The following ACSL4 variants were observed in gnomAD, a reference collection of about 807,000 sequenced individuals.
ACSL4 encodes the protein long-chain-fatty-acid--CoA ligase 4.
Under a neutral mutation model 49.1 loss-of-function variants are expected in ACSL4, and 9 were observed. That is an observed-to-expected ratio of 0.18 (90% CI 0.11 to 0.32). The LOEUF is 0.32. ACSL4 is among the 10% of genes least tolerant of loss of function. The probability of loss-of-function intolerance (pLI) is 1.00; values close to 1 mark genes in which losing one functional copy is unlikely to be tolerated. For synonymous variants in ACSL4, 191 were observed against 170.3 expected, an observed-to-expected ratio of 1.12 and a Z score of -0.95; for missense variants, 333 against 493.7, an observed-to-expected ratio of 0.67 and a Z score of 3.08.
chrX:109,724,875 G>A (rs1218741851), intron 1 of ACSL4, among the ~76,000 whole-genome samples: 1 of 109,906 alleles, frequency 9.1e-6, no homozygotes, highest in Admixed American at 9.7e-5. Context: ...TCATGCCACT[G>A]CACTCCAGCC....
chrX:109,645,430 C>A (rs1325900104), intron 15 of ACSL4, among the ~76,000 whole-genome samples: 2 of 111,778 alleles, frequency 1.8e-5, no homozygotes, highest in Non-Finnish European at 3.8e-5. Context: ...CTCACACGGC[C>A]GGGTACTCCA....
In ACSL4 at chrX:109,682,719, G is replaced by A. The variant is rs777991418; in HGVS notation, c.406C>T (p.Leu136Phe). 2.5e-6 allele frequency: 3 copies of A among 1,211,354 alleles called. No homozygotes were observed. Among genetic ancestry groups the A allele is most frequent in the South Asian group, 1.8e-5 (1 of 56,986 alleles). The change falls in exon 4 of 16, where the codon CTT becomes TTT. Residue 136 changes from leucine to phenylalanine, a missense_variant and splice_region_variant. Leu to Phe is a conservative substitution (Grantham distance 22). Around this residue, in one of 3 missense-constraint regions of ACSL4, gnomAD observed 157 missense variants for 201.1 expected, o/e 0.78. Transcript: ENST00000672401. ...CCCTCCAAAAACACAAGGCACTTAC[G>A]AGGAAAGTTGTACTTAAAGCAGGTC... is the stretch of plus-strand genomic sequence containing the variant. ...AQTCFKYNFP[L>F]VTLYATLGKE...
chrX:109,726,092 G>A (rs1006281229), intron 1 of ACSL4, among the ~76,000 whole-genome samples: 8 of 111,750 alleles, frequency 7.2e-5, no homozygotes, highest in African/African-American at 9.8e-5. Flanking sequence ...ATATTGTCAG[G>A]TTACAACATA....
chrX:109,648,234 T>TA (rs1934825692), intron 15 of ACSL4, among the ~76,000 whole-genome samples: 1 of 111,354 alleles, frequency 9.0e-6, no homozygotes, highest in Non-Finnish European at 1.9e-5. Flanking sequence ...AAGAGAATTT[T>TA]AGACCAATAT....
chrX:109,709,216 T>C (rs1465722782), intron 1 of ACSL4, among the ~76,000 whole-genome samples: 2 of 112,111 alleles, frequency 1.8e-5, no homozygotes, highest in Admixed American at 9.5e-5. Context: ...TATCATTCCT[T>C]TGATGTCTGT....
At chrX:109,686,774 ATG>A (rs1419689588) in intron 2 of ACSL4, among the ~76,000 whole-genome samples, 16 of 105,483 alleles carry the variant, frequency 1.5e-4, no homozygotes, top group African/African-American at 6.0e-4. Context: ...ACACACACGC[ATG>A]CACACACACA....
chrX:109,659,561 T>A (rs776001900), intron 14 of ACSL4, 50 bp from the exon 15 acceptor site: 2 of 865,436 alleles, frequency 2.3e-6, no homozygotes, highest in Non-Finnish European at 3.4e-6. Context: ...GAAAAGTTAT[T>A]CATAAACTAG....
chrX:109,714,832 A>G (rs1371951712), intron 1 of ACSL4, among the ~76,000 whole-genome samples: 1 of 112,226 alleles, frequency 8.9e-6, no homozygotes, highest in Non-Finnish European at 1.9e-5. Context: ...GAAATTGCCT[A>G]ACAACCCATT....
In ACSL4 at chrX:109,668,260, T is replaced by C; in HGVS notation, c.1156A>G (p.Lys386Glu). Residue 386 changes from lysine to glutamate, a missense_variant, in exon 11 of 16, where the codon AAG becomes GAG. Lys to Glu is a moderately conservative substitution (Grantham distance 56). Transcript: ENST00000672401. ...APLCNLLLFK[K>E]VKALLGGNVR... ...TTCCCTCCCAGCAGGGCCTTGACCT[T>C]TTTAAACAGTAACCTTAATAAAGGG... 1 of 1,202,251 alleles carries C rather than the reference T, an allele frequency of 8.3e-7. No homozygotes were observed. The highest frequency in any genetic ancestry group is 1.1e-6 in the Non-Finnish European group (1 of 889,290).
At chrX:109,648,009 T>C (rs1427794540) in intron 15 of ACSL4, among the ~76,000 whole-genome samples, 1 of 110,961 alleles carries the variant, frequency 9.0e-6, no homozygotes, top group African/African-American at 3.3e-5. Context: ...CAATAAAAAG[T>C]GCTGAAATTG....
At chrX:109,701,637 A>C (rs1450332347) in intron 1 of ACSL4, among the ~76,000 whole-genome samples, 1 of 96,024 alleles carries the variant, frequency 1.0e-5, no homozygotes, top group African/African-American at 4.0e-5. Flanking sequence ...CCTCCGCCTC[A>C]CGGTTCACAC....
intron 2 of ACSL4, among the ~76,000 whole-genome samples, chrX:109,693,755 G>A (rs1463285644): frequency 8.9e-6 from 1 of 111,748 alleles, no homozygotes; most frequent in Non-Finnish European, 1.9e-5. Context: ...TTGATGGGGG[G>A]CCTCCAAAGT....
At chrX:109,722,043 A>T (rs1927602432) in intron 1 of ACSL4, among the ~76,000 whole-genome samples, 1 of 112,080 alleles carries the variant, frequency 8.9e-6, no homozygotes, top group Admixed American at 9.5e-5. Flanking sequence ...AAACCTGAGT[A>T]TAGCTATGTT....
intron 11 of ACSL4, among the ~76,000 whole-genome samples, chrX:109,667,437 A>G (rs776457459): frequency 8.0e-5 from 9 of 112,852 alleles, no homozygotes; most frequent in Non-Finnish European, 1.3e-4. Context: ...AAATAACAAA[A>G]GGGAAACCAA....
intron 12 of ACSL4, 145 bp from the exon 13 acceptor site, chrX:109,663,547 C>A: frequency 1.9e-6 from 1 of 514,350 alleles, no homozygotes; most frequent in Non-Finnish European, 3.2e-6. Context: ...CTAAAATTTA[C>A]ATGAGGATAC....
intron 14 of ACSL4, among the ~76,000 whole-genome samples, chrX:109,659,733 G>T (rs1357238066): frequency 9.0e-6 from 1 of 110,780 alleles, no homozygotes. Flanking sequence ...ATGGAGAAAC[G>T]ATCTTTGACA....
At chrX:109,713,271 G>T (rs1381455617) in intron 1 of ACSL4, among the ~76,000 whole-genome samples, 1 of 111,930 alleles carries the variant, frequency 8.9e-6, no homozygotes, top group Non-Finnish European at 1.9e-5. Context: ...TGAAAACTCA[G>T]AAGTCTATCT....
chrX:109,688,460 A>T (rs915278404), intron 2 of ACSL4, among the ~76,000 whole-genome samples: 1 of 111,066 alleles, frequency 9.0e-6, no homozygotes, highest in Non-Finnish European at 1.9e-5. Context: ...ATCTTAAAAA[A>T]CATTCCCTCC....
intron 7 of ACSL4, 51 bp downstream of exon 7, chrX:109,678,214 T>C: frequency 1.7e-6 from 2 of 1,207,548 alleles, no homozygotes; most frequent in East Asian, 5.9e-5. Flanking sequence ...GTTTAGAGAA[T>C]GCTGAACATG....
Sources: gnomAD v4.1 joint callset for allele counts (sites outside exome capture counted in the v4.1 genomes callset) on GRCh38, gnomAD v4.1.1 for gene constraint, gnomAD v4.1.1 regional missense constraint, MANE v1.5 for transcripts, NCBI Gene and HGNC (gene_info 2026-07-23, HGNC 2026-07-21) for gene names.